The following LINGO2 variants were observed in gnomAD, a reference collection of about 807,000 sequenced individuals.
LINGO2 encodes leucine-rich repeat and immunoglobulin-like domain-containing nogo receptor-interacting protein 2.
A neutral mutation model predicts 30.6 loss-of-function variants in LINGO2; 14 were observed. That is an observed-to-expected ratio of 0.46 (90% confidence interval 0.30 to 0.72). LINGO2 has a LOEUF of 0.72. Among genes scored for constraint, LINGO2 ranks in the 30% least tolerant of loss-of-function variants. The pLI, the probability that LINGO2 is intolerant of heterozygous loss-of-function variation, is 0.07. For synonymous variants in LINGO2, 317 were observed against 288.5 expected (o/e 1.10, Z -1.00); for missense variants, 729 against 751.7 (o/e 0.97, Z 0.35).
At chr9:28,120,949 C>G (rs895590355) in intron 4 of LINGO2, among the ~76,000 whole-genome samples, 2 of 152,072 alleles carry the variant, frequency 1.3e-5, no homozygotes, top group African/African-American at 4.8e-5. Context: ...AACAAAAAGA[C>G]AAAACAAACT....
At chr9:28,581,660 A>C (rs1446568157) in intron 1 of LINGO2, among the ~76,000 whole-genome samples, 1 of 151,816 alleles carries the variant, frequency 6.6e-6, no homozygotes, top group South Asian at 2.1e-4. Context: ...ATTCTTGTGA[A>C]TAGATGCTGA....
At chr9:28,400,859 T>C (rs796901532) in intron 2 of LINGO2, among the ~76,000 whole-genome samples, 9 of 152,108 alleles carry the variant, frequency 5.9e-5, no homozygotes, top group African/African-American at 2.2e-4. Context: ...CATATGAGGG[T>C]GTTTGAATGT....
chr9:29,154,667 T>G, the LINGO2 span, among the ~76,000 whole-genome samples: 4 of 152,168 alleles, frequency 2.6e-5, no homozygotes, highest in African/African-American at 9.7e-5. Context: ...TTAGTAAATA[T>G]TTTATAAGGA....
chr9:28,023,840 T>G (rs1381814913), intron 4 of LINGO2, among the ~76,000 whole-genome samples: 1 of 152,108 alleles, frequency 6.6e-6, no homozygotes, highest in Non-Finnish European at 1.5e-5. Flanking sequence ...CCCCCTAAGA[T>G]TATGCCACAC....
intron 4 of LINGO2, among the ~76,000 whole-genome samples, chr9:28,059,994 C>A (rs1218112371): frequency 6.6e-6 from 1 of 151,990 alleles, no homozygotes; most frequent in Non-Finnish European, 1.5e-5. Context: ...ATTCACTGAT[C>A]CTTAGTGTCA....
chr9:27,943,304 T>C (rs1431082091), downstream of LINGO2: 1 of 152,164 alleles, frequency 6.6e-6, no homozygotes, highest in Non-Finnish European at 1.5e-5. Flanking sequence ...TTGAACTTTA[T>C]TGGAATATAG....
chr9:28,512,644 TACATACACACAC>T (rs1431751013), intron 1 of LINGO2, among the ~76,000 whole-genome samples: 1 of 59,936 alleles, frequency 1.7e-5, no homozygotes, highest in Non-Finnish European at 2.8e-5. Context: ...TATACACACA[TACATACACACAC>T]ACACACATAT....
At chr9:27,946,541 G>A (rs776425478), downstream of LINGO2, among the ~76,000 whole-genome samples, 3 of 152,076 alleles carry the variant, frequency 2.0e-5, no homozygotes, top group African/African-American at 4.8e-5. Flanking sequence ...ATTGCTCAAT[G>A]TTTCTCTTTT....
At chr9:28,337,690 G>A (rs970482866) in intron 3 of LINGO2, among the ~76,000 whole-genome samples, 2 of 152,132 alleles carry the variant, frequency 1.3e-5, no homozygotes, top group Non-Finnish European at 2.9e-5. Context: ...GCTAAAGGGG[G>A]CCAAGTTACG....
At chr9:28,331,629 C>T (rs930906295) in intron 3 of LINGO2, among the ~76,000 whole-genome samples, 1 of 152,026 alleles carries the variant, frequency 6.6e-6, no homozygotes. Flanking sequence ...CCTTAGTCTC[C>T]CAAGTAGTTG....
chr9:28,584,228 G>A (rs1241325683), intron 1 of LINGO2, among the ~76,000 whole-genome samples: 1 of 151,928 alleles, frequency 6.6e-6, no homozygotes, highest in Non-Finnish European at 1.5e-5. Context: ...TATTTATACT[G>A]TTCACACTGA....
At chr9:29,080,954 T>A in the LINGO2 span, among the ~76,000 whole-genome samples, 1 of 151,864 alleles carries the variant, frequency 6.6e-6, no homozygotes, top group Non-Finnish European at 1.5e-5. Context: ...TCTGTAGATG[T>A]CTATTAGGTC....
chr9:28,104,917 A>G (rs78566489), intron 4 of LINGO2, among the ~76,000 whole-genome samples: 1,855 of 151,538 alleles, frequency 0.012, 16 homozygotes, highest in South Asian at 0.026. Context: ...CACACACACA[A>G]ATGAATGTGC....
chr9:28,413,333 A>G (rs997435328), intron 2 of LINGO2, among the ~76,000 whole-genome samples: 37 of 152,208 alleles, frequency 2.4e-4, no homozygotes, highest in African/African-American at 8.9e-4. Context: ...TGTGGTTGGG[A>G]AAGTGACTTG....
the LINGO2 span, among the ~76,000 whole-genome samples, chr9:29,059,850 A>T: frequency 6.6e-6 from 1 of 152,064 alleles, no homozygotes; most frequent in Non-Finnish European, 1.5e-5. Flanking sequence ...TAAAAAATTG[A>T]TAAATTGAAC....
At chr9:28,437,342 C>T (rs1025041327) in intron 2 of LINGO2, among the ~76,000 whole-genome samples, 2 of 152,170 alleles carry the variant, frequency 1.3e-5, no homozygotes, top group Admixed American at 6.5e-5. Context: ...TCACCACATT[C>T]TTGGGTCTTC....
At chr9:28,918,645 T>A in the LINGO2 span, among the ~76,000 whole-genome samples, 1 of 152,324 alleles carries the variant, frequency 6.6e-6, no homozygotes, top group East Asian at 1.9e-4. Context: ...GATTAAAATG[T>A]ATTAAAATGG....
intron 2 of LINGO2, among the ~76,000 whole-genome samples, chr9:28,428,542 A>G (rs1823511707): frequency 6.6e-6 from 1 of 151,560 alleles, no homozygotes; most frequent in Non-Finnish European, 1.5e-5. Flanking sequence ...AAACAACCAG[A>G]CCTTAACAAC....
At chr9:29,177,686 T>G in the LINGO2 span, among the ~76,000 whole-genome samples, 1 of 152,190 alleles carries the variant, frequency 6.6e-6, no homozygotes, top group Non-Finnish European at 1.5e-5. Context: ...GATTCTTCTT[T>G]CCCAAAACCA....
Sources: allele counts gnomAD v4.1 joint callset (sites outside exome capture counted in the v4.1 genomes callset), GRCh38; gene constraint gnomAD v4.1.1; transcripts MANE v1.5; gene names NCBI Gene and HGNC (gene_info 2026-07-23, HGNC 2026-07-21).